NMNAT2: variants seen among roughly 807,000 people sequenced by gnomAD.
NMNAT2 encodes nicotinamide/nicotinic acid mononucleotide adenylyltransferase 2.
NMNAT2 carries 11 observed loss-of-function variants against 41.6 expected under a neutral mutation model. The ratio of observed to expected loss-of-function variants is 0.26; its 90% confidence interval spans 0.17 to 0.44. The LOEUF is 0.44. Ranked by LOEUF, NMNAT2 falls within the 20% of genes least tolerant of loss-of-function variation. NMNAT2 has a pLI of 1.00. For missense variants in NMNAT2, 288 were observed against 407.7 expected (o/e 0.71, Z 2.53); for synonymous variants, 148 against 151.2 (o/e 0.98, Z 0.16).
rs180944593 is a variant in NMNAT2, at chr1:183,312,547, A to G, written c.86-18754T>C. Among the ~76,000 whole-genome samples the G allele has an allele frequency of 4.1e-3, 598 of 145,268 alleles. 3 individuals carry two copies. Among genetic ancestry groups the G allele is most frequent in the Non-Finnish European group, 5.6e-3 (370 of 66,474 alleles). On this transcript the variant is annotated intron_variant, in intron 1 of 10. Coordinates refer to ENST00000287713, the MANE Select transcript of NMNAT2 (RefSeq NM_015039.4). ...ATTTTATTACTTTTAAAACTATTTA[A>G]TAGTAATTGCCTTACAGTTCCTAAA...
intron 10 of NMNAT2, among the ~76,000 whole-genome samples, chr1:183,254,297 A>G (rs1558105951): frequency 6.6e-6 from 1 of 152,182 alleles, no homozygotes; most frequent in Non-Finnish European, 1.5e-5. Flanking sequence ...TGTGAGGTAG[A>G]ATCTCATAAT....
chr1:183,362,761 A>G (rs1437528472), intron 1 of NMNAT2, among the ~76,000 whole-genome samples: 5 of 152,140 alleles, frequency 3.3e-5, no homozygotes, highest in South Asian at 2.1e-4. Flanking sequence ...ATTGTTTTCA[A>G]TTCTCTTGCA....
intron 1 of NMNAT2, among the ~76,000 whole-genome samples, chr1:183,301,869 C>A (rs908355911): frequency 6.6e-6 from 1 of 152,174 alleles, no homozygotes; most frequent in Non-Finnish European, 1.5e-5. Flanking sequence ...TTTCTTCCAC[C>A]GTGGTCACAG....
Position 183,267,718 on chromosome 1 carries a change from T to C in NMNAT2, c.652-6415A>G, listed in dbSNP as rs535928444. Among the ~76,000 whole-genome samples the C allele has an allele frequency of 4.7e-4, 72 of 152,226 alleles. 2 individuals are homozygous for C. In the South Asian group the frequency reaches 0.013, roughly 27 times the overall value. On this transcript the variant is annotated intron_variant, in intron 8 of 10. Transcript: ENST00000287713. ...TGCCCAGGCCTCTGGAACTGAACTA[T>C]TTTTCTGCTCGAGGGGACCAGCACC... is the stretch of plus-strand genomic sequence containing the variant.
chr1:183,292,023 C>T (rs1173212918), intron 3 of NMNAT2, among the ~76,000 whole-genome samples: 1 of 152,234 alleles, frequency 6.6e-6, no homozygotes, highest in Non-Finnish European at 1.5e-5. Context: ...ATTCTGAGGT[C>T]AGCATCCCGT....
At chr1:183,341,523 C>CA (rs33955752) in intron 1 of NMNAT2, among the ~76,000 whole-genome samples, 2,129 of 81,316 alleles carry the variant, frequency 0.026, 50 homozygotes, top group African/African-American at 0.063. Flanking sequence ...ACAAAAAATG[C>CA]AAAAAAAAAA....
chr1:183,372,400 G>T (rs553611202), intron 1 of NMNAT2, among the ~76,000 whole-genome samples: 1 of 152,286 alleles, frequency 6.6e-6, no homozygotes, highest in East Asian at 1.9e-4. Flanking sequence ...GAACAGCAAA[G>T]CCAGAGAGTA....
At chr1:183,416,395 G>A (rs182260823) in intron 1 of NMNAT2, among the ~76,000 whole-genome samples, 1 of 152,278 alleles carries the variant, frequency 6.6e-6, no homozygotes, top group East Asian at 1.9e-4. Flanking sequence ...CTGGTCAAGG[G>A]AGAGGAGTAA....
At chr1:183,337,996 T>C (rs533334101) in intron 1 of NMNAT2, among the ~76,000 whole-genome samples, 4 of 152,212 alleles carry the variant, frequency 2.6e-5, no homozygotes, top group Admixed American at 1.3e-4. Flanking sequence ...ATTATTGATT[T>C]CAAATAGATC....
Position 183,282,360 on chromosome 1 carries a change from C to T in NMNAT2, c.574+1635G>A, listed in dbSNP as rs906782514. ...AGTAAGCAGAGGCCCCTGCCCCTCCCGAGGTAGCCGTGAGCTAATGGAAGT... is the reference window on the plus strand; with the variant it reads ...AGTAAGCAGAGGCCCCTGCCCCTCCTGAGGTAGCCGTGAGCTAATGGAAGT... On this transcript the variant is annotated intron_variant, in intron 7 of 10. Transcript: ENST00000287713. Among the ~76,000 whole-genome samples the T allele has an allele frequency of 5.3e-5, 8 of 152,184 alleles. No individual in the cohort carries two copies. In the East Asian group the frequency reaches 5.8e-4, roughly 11 times the overall value.
intron 1 of NMNAT2, among the ~76,000 whole-genome samples, chr1:183,336,000 A>G (rs1258220938): frequency 6.6e-6 from 1 of 152,194 alleles, no homozygotes; most frequent in Admixed American, 6.5e-5. Flanking sequence ...TGTGAAACTC[A>G]TTTCTGTGAG....
intron 1 of NMNAT2, among the ~76,000 whole-genome samples, chr1:183,301,627 C>T (rs144064900): frequency 1.3e-5 from 2 of 152,182 alleles, no homozygotes; most frequent in South Asian, 2.1e-4. Flanking sequence ...TCCTCAGGAC[C>T]CTGAGGGTCC....
intron 3 of NMNAT2, among the ~76,000 whole-genome samples, chr1:183,290,908 T>C (rs935597130): frequency 1.3e-5 from 2 of 152,156 alleles, no homozygotes; most frequent in Non-Finnish European, 2.9e-5. Context: ...GCACTGGGGC[T>C]TAATTGCCAA....
In NMNAT2 at chr1:183,251,855, TTGC is replaced by T. The variant is rs61148033; in HGVS notation, c.*783_*785del. On this transcript the variant is annotated 3_prime_UTR_variant, in exon 11 of 11. Coordinates refer to ENST00000287713, the MANE Select transcript of NMNAT2 (RefSeq NM_015039.4). ...CGAAAATCTCACTCCTGATCAAAGG[TTGC>T]TGCTGCTGCTGCTGCTGCTGCTACT... 0.26 allele frequency: 43,136 copies of T among 162,976 alleles called. 7,400 individuals carry two copies. Among genetic ancestry groups the T allele is most frequent in the African/African-American group, 0.48 (19,831 of 41,406 alleles). The allele number at this position is 162,976 out of a possible 1,614,324, so 10.1% of individuals were successfully genotyped here.
chr1:183,255,919 C>T (rs1660505475), intron 10 of NMNAT2, among the ~76,000 whole-genome samples: 1 of 151,988 alleles, frequency 6.6e-6, no homozygotes, highest in African/African-American at 2.4e-5. Flanking sequence ...CTGCCTCCGC[C>T]TCCCAAAGTG....
intron 1 of NMNAT2, among the ~76,000 whole-genome samples, chr1:183,334,438 T>TCTGTG (rs1662643144): frequency 6.6e-6 from 1 of 152,114 alleles, no homozygotes. Context: ...TTCAACTAAG[T>TCTGTG]TTATTTCAAC....
At chr1:183,325,811 T>C (rs928182607) in intron 1 of NMNAT2, among the ~76,000 whole-genome samples, 1 of 152,204 alleles carries the variant, frequency 6.6e-6, no homozygotes, top group Non-Finnish European at 1.5e-5. Flanking sequence ...CAGTACATAG[T>C]ACAATTCGTT....
chr1:183,340,250 C>T lies in NMNAT2; in HGVS notation c.86-46457G>A, dbSNP rs548847164. Among the ~76,000 whole-genome samples the T allele has an allele frequency of 4.6e-5, 7 of 152,120 alleles. No homozygotes were observed. In the South Asian group the frequency reaches 6.2e-4, roughly 14 times the overall value. The stretch of plus-strand genomic sequence containing the variant: ...CAGGGAAGACATCCTCAAATAGATA[C>T]AGCTGGTTAGTACCCAGGTGGCAAA... On this transcript the variant is annotated intron_variant, in intron 1 of 10. Transcript: ENST00000287713.
intron 1 of NMNAT2, among the ~76,000 whole-genome samples, chr1:183,368,239 G>A (rs1292449662): frequency 1.3e-5 from 2 of 152,192 alleles, no homozygotes; most frequent in Admixed American, 1.3e-4. Flanking sequence ...CAGACAGCAA[G>A]TCTTAGAGCC....
Sources: allele counts gnomAD v4.1 joint callset (sites outside exome capture counted in the v4.1 genomes callset), GRCh38; gene constraint gnomAD v4.1.1; transcripts MANE v1.5; gene names NCBI Gene and HGNC (gene_info 2026-07-23, HGNC 2026-07-21).